Variants in CTDSPL2 observed in about 807,000 individuals in gnomAD.
CTDSPL2 encodes CTD small phosphatase like 2.
In CTDSPL2, 5 loss-of-function variants were observed where a neutral mutation model predicts 60.0. That is an observed-to-expected ratio of 0.08 (90% CI 0.04 to 0.18). CTDSPL2 has a LOEUF of 0.18. Among genes scored for constraint, CTDSPL2 ranks in the 10% least tolerant of loss-of-function variants. CTDSPL2 has a pLI of 1.00. For synonymous variants in CTDSPL2, 186 were observed against 189.3 expected, an observed-to-expected ratio of 0.98 and a Z score of 0.14; for missense variants, 370 against 548.8, an observed-to-expected ratio of 0.67 and a Z score of 3.26.
chr15:44,470,935 CA>C lies in CTDSPL2; in HGVS notation c.186+11744del, dbSNP rs201576645. ...CCTCCTATATCCTATATTGACTTCTCAAAAAAAAACCTTAAACACAATAAAA... is the reference window on the plus strand; with the variant it reads ...CCTCCTATATCCTATATTGACTTCTCAAAAAAAACCTTAAACACAATAAAA... On this transcript the variant is annotated intron_variant, in intron 2 of 12. Coordinates refer to ENST00000260327, the MANE Select transcript of CTDSPL2 (RefSeq NM_016396.3). Among the ~76,000 whole-genome samples the C allele has an allele frequency of 2.3e-3, 351 of 150,300 alleles. 1 individual carries two copies. Among genetic ancestry groups the C allele is most frequent in the African/African-American group, 8.2e-3 (335 of 40,996 alleles).
chr15:44,521,937 CAAAAA>C (rs904398715), intron 12 of CTDSPL2, among the ~76,000 whole-genome samples: 2 of 60,778 alleles, frequency 3.3e-5, no homozygotes, highest in African/African-American at 1.7e-4. Flanking sequence ...GACTCCGTCT[CAAAAA>C]AAAAAAAAAA....
intron 4 of CTDSPL2, among the ~76,000 whole-genome samples, chr15:44,489,410 G>A (rs1345964295): frequency 2.6e-5 from 4 of 152,118 alleles, no homozygotes; most frequent in African/African-American, 9.7e-5. Context: ...TTGAGAAGAA[G>A]TGTTTGAGGG....
intron 5 of CTDSPL2, 105 bp from the exon 6 acceptor site, chr15:44,496,275 A>T: frequency 1.3e-6 from 1 of 757,408 alleles, no homozygotes. Flanking sequence ...TTCTGTCTTT[A>T]AAATACACAA....
chr15:44,460,158 T>C (rs1386359995), intron 2 of CTDSPL2, among the ~76,000 whole-genome samples: 1 of 152,208 alleles, frequency 6.6e-6, no homozygotes, highest in Non-Finnish European at 1.5e-5. Flanking sequence ...GTCTCCAGGC[T>C]GGAGTGCAGT....
chr15:44,499,910 GT>G, intron 8 of CTDSPL2, 97 bp downstream of exon 8: 2 of 668,010 alleles, frequency 3.0e-6, no homozygotes, highest in Middle Eastern at 4.0e-4. Context: ...CATTAAATGT[GT>G]TTTTCTGTAG....
At chr15:44,504,564 A>G (rs2081427901) in intron 8 of CTDSPL2, among the ~76,000 whole-genome samples, 2 of 152,134 alleles carry the variant, frequency 1.3e-5, no homozygotes, top group South Asian at 4.1e-4. Context: ...AGATTCATCT[A>G]CAAAAGTAGC....
Position 44,528,210 on chromosome 15 carries a change from A to G in CTDSPL2, c.*4036A>G, listed in dbSNP as rs1230313959. On this transcript the variant is annotated 3_prime_UTR_variant, in exon 13 of 13. Coordinates refer to ENST00000260327, the MANE Select transcript of CTDSPL2 (RefSeq NM_016396.3). ...TTTATGCTTTTGATATTAGTATTTT[A>G]AGATACATCAGTTGATCCCGAAACC... The G allele has an allele frequency of 6.6e-6, 1 of 152,154 alleles. No individual in the cohort carries two copies. Among genetic ancestry groups the G allele is most frequent in the Non-Finnish European group, 1.5e-5 (1 of 68,010 alleles). The allele number at this position is 152,154 out of a possible 1,614,324, so 9.4% of individuals were successfully genotyped here.
At chr15:44,454,396 A>G (rs977661681) in intron 1 of CTDSPL2, among the ~76,000 whole-genome samples, 13 of 152,022 alleles carry the variant, frequency 8.6e-5, no homozygotes, top group African/African-American at 2.2e-4. Flanking sequence ...CTCTGATGGT[A>G]GTTTCTTTTG....
intron 8 of CTDSPL2, among the ~76,000 whole-genome samples, chr15:44,513,610 A>G (rs1234508394): frequency 2.0e-5 from 3 of 152,174 alleles, no homozygotes; most frequent in Admixed American, 6.5e-5. Context: ...AAACTCCACT[A>G]AGCCTGGGTT....
At chr15:44,443,729 C>T (rs2080140934) in intron 1 of CTDSPL2, among the ~76,000 whole-genome samples, 1 of 152,028 alleles carries the variant, frequency 6.6e-6, no homozygotes, top group African/African-American at 2.4e-5. Flanking sequence ...GGAGAAAAGC[C>T]TATTCAAGTC....
At chr15:44,516,135 T>G (rs2081651072) in intron 10 of CTDSPL2, among the ~76,000 whole-genome samples, 1 of 151,772 alleles carries the variant, frequency 6.6e-6, no homozygotes, top group Admixed American at 6.6e-5. Flanking sequence ...CCTGGCTAAT[T>G]TTTAGTGTTT....
At chr15:44,461,101 TATG>T (rs2080558048) in intron 2 of CTDSPL2, among the ~76,000 whole-genome samples, 1 of 152,230 alleles carries the variant, frequency 6.6e-6, no homozygotes, top group East Asian at 1.9e-4. Context: ...TTATATGACA[TATG>T]ATATTTATCA....
In CTDSPL2 at chr15:44,525,321, T is replaced by C. The variant is rs1322033788; in HGVS notation, c.*1147T>C. 7.5e-6 allele frequency: 3 copies of C among 398,310 alleles called. No homozygotes were observed. Among genetic ancestry groups the C allele is most frequent in the Non-Finnish European group, 1.3e-5 (3 of 225,610 alleles). 24.7% of individuals were successfully genotyped at this position (398,310 alleles called of 1,614,324 possible). A position where few individuals can be genotyped will look rare whatever the true frequency, so the allele number is the denominator to read the frequency against. On this transcript the variant is annotated 3_prime_UTR_variant, in exon 13 of 13. Transcript: ENST00000260327. ...CACCAATGCAGTTAATATGCTCTCA[T>C]AGTGGTTTTTCTATGCTATATGAAA...
At chr15:44,462,062 G>A (rs1428393585) in intron 2 of CTDSPL2, among the ~76,000 whole-genome samples, 1 of 152,086 alleles carries the variant, frequency 6.6e-6, no homozygotes, top group Non-Finnish European at 1.5e-5. Context: ...CCACTTCAGC[G>A]TCCCAAGTAG....
chr15:44,481,299 C>A (rs1362603005), intron 2 of CTDSPL2, among the ~76,000 whole-genome samples: 1 of 152,090 alleles, frequency 6.6e-6, no homozygotes, highest in Non-Finnish European at 1.5e-5. Flanking sequence ...GTTTTTGTAA[C>A]CTGAAGTATT....
At chr15:44,478,841 GC>G (rs1249538842) in intron 2 of CTDSPL2, among the ~76,000 whole-genome samples, 1 of 151,984 alleles carries the variant, frequency 6.6e-6, no homozygotes, top group Non-Finnish European at 1.5e-5. Context: ...AATTAGCTGG[GC>G]GTGGTGGCAG....
At chr15:44,447,374 T>A (rs1206142308) in intron 1 of CTDSPL2, among the ~76,000 whole-genome samples, 1 of 152,186 alleles carries the variant, frequency 6.6e-6, no homozygotes, top group Non-Finnish European at 1.5e-5. Context: ...TGTCAGCAAG[T>A]TGCCACAACT....
intron 2 of CTDSPL2, among the ~76,000 whole-genome samples, chr15:44,479,146 G>C (rs1246589466): frequency 1.3e-5 from 2 of 151,692 alleles, no homozygotes; most frequent in Admixed American, 6.6e-5. Flanking sequence ...TGGCTATTCA[G>C]GAGGTTGAAG....
At chr15:44,478,452 CAAAAAAAAAAAAAAAAAAAAA>C (rs61080056) in intron 2 of CTDSPL2, among the ~76,000 whole-genome samples, 3 of 37,994 alleles carry the variant, frequency 7.9e-5, no homozygotes, top group African/African-American at 2.7e-4. Context: ...GACTCTGTCT[CAAAAAAAAAAAAAAAAAAAAA>C]AAAAAAAAAA....
Sources: allele counts gnomAD v4.1 joint callset (sites outside exome capture counted in the v4.1 genomes callset), GRCh38; gene constraint gnomAD v4.1.1; transcripts MANE v1.5; gene names NCBI Gene and HGNC (gene_info 2026-07-23, HGNC 2026-07-21).